Variants in FHAD1 observed in about 807,000 individuals in gnomAD.
FHAD1 encodes forkhead-associated domain-containing protein 1.
Under a neutral mutation model 191.3 loss-of-function variants are expected in FHAD1, and 146 were observed. The observed-to-expected ratio is 0.76, with a 90% CI of 0.67 to 0.88. The LOEUF is 0.88. FHAD1 is among the 40% of genes least tolerant of loss of function. The pLI is 0.00. For synonymous variants in FHAD1, 616 were observed against 672.3 expected (o/e 0.92, Z 1.29); for missense variants, 1,635 against 1,785.8 (o/e 0.92, Z 1.52).
intron 23 of FHAD1, among the ~76,000 whole-genome samples, chr1:15,365,441 A>C (rs1476533936): frequency 6.8e-6 from 1 of 146,534 alleles, no homozygotes. Flanking sequence ...CAGCCTCCCG[A>C]GTAGCTGGGA....
chr1:15,385,123 GA>G (rs1701813692), intron 31 of FHAD1, among the ~76,000 whole-genome samples: 1 of 133,652 alleles, frequency 7.5e-6, no homozygotes, highest in East Asian at 2.0e-4. Flanking sequence ...GAAAAAGGGG[GA>G]AAATCTTTTT....
intron 19 of FHAD1, among the ~76,000 whole-genome samples, chr1:15,349,988 C>T (rs1051226936): frequency 9.2e-5 from 14 of 152,198 alleles, no homozygotes; most frequent in Admixed American, 9.2e-4. Flanking sequence ...CAGGGACCCA[C>T]ATGGCATCTC....
chr1:15,301,144 A>T, intron 5 of FHAD1, 61 bp from the exon 6 acceptor site: 1 of 1,450,470 alleles, frequency 6.9e-7, no homozygotes, highest in South Asian at 1.3e-5. Context: ...CTTTTTTTTA[A>T]TGGGCTCAGC....
intron 33 of FHAD1, among the ~76,000 whole-genome samples, chr1:15,392,278 A>T (rs2103127604): frequency 6.6e-6 from 1 of 152,308 alleles, no homozygotes; most frequent in East Asian, 1.9e-4. Flanking sequence ...CACGCCTGTA[A>T]TCCCAGCACT....
chr1:15,387,806 G>C (rs1190973008), intron 31 of FHAD1, among the ~76,000 whole-genome samples: 1 of 152,166 alleles, frequency 6.6e-6, no homozygotes, highest in Non-Finnish European at 1.5e-5. Context: ...GACCGCTTGA[G>C]CCTGAGAGGT....
rs548508112 is a variant in FHAD1, at chr1:15,374,359, A to C, written c.3448-143A>C. On this transcript the variant is annotated intron_variant, in intron 26 of 33. Coordinates refer to ENST00000688493, the MANE Select transcript of FHAD1 (RefSeq NM_001391957.1). ...ATTTGAGATGAAAAATGTAAATTCT[A>C]TCTCTGCTGAAGCCCTAATGCTATT... The C allele has an allele frequency of 1.1e-4, 103 of 946,480 alleles. No homozygotes were observed. In the African/African-American group the frequency reaches 1.6e-3, roughly 15 times the overall value. 58.6% of individuals were successfully genotyped at this position (946,480 alleles called of 1,614,324 possible).
chr1:15,295,722 G>C (rs1369949895), intron 4 of FHAD1, among the ~76,000 whole-genome samples: 1 of 152,118 alleles, frequency 6.6e-6, no homozygotes, highest in African/African-American at 2.4e-5. Context: ...CACACATATG[G>C]GGGGCCAGCT....
intron 14 of FHAD1, among the ~76,000 whole-genome samples, chr1:15,333,989 C>T (rs1211785975): frequency 6.6e-6 from 1 of 151,788 alleles, no homozygotes; most frequent in East Asian, 1.9e-4. Flanking sequence ...TGTGCCACCA[C>T]GCCACCTAAT....
chr1:15,345,637 G>T, intron 18 of FHAD1, 114 bp downstream of exon 18: 1 of 858,644 alleles, frequency 1.2e-6, no homozygotes, highest in South Asian at 1.6e-5. Flanking sequence ...TCCTCGTGGA[G>T]TTTGCGTTTG....
chr1:15,263,807 C>G (rs974190849), intron 2 of FHAD1, among the ~76,000 whole-genome samples: 2 of 152,210 alleles, frequency 1.3e-5, no homozygotes, highest in African/African-American at 4.8e-5. Context: ...AGGCGTGAGC[C>G]ACTGTGCCCA....
rs931457722 is a variant in FHAD1, at chr1:15,285,077, CT to C, written c.301-4314del. Among the ~76,000 whole-genome samples the C allele has an allele frequency of 1.3e-4, 20 of 152,142 alleles. No homozygotes were observed. The East Asian group carries it at 3.5e-3, about 26-fold the overall frequency. ...AGCCAGGAGCCAGTTTTTCAGGAGT[CT>C]TTTTTTTATGTTTGTTTATCCTCCT... is the stretch of plus-strand genomic sequence containing the variant. On this transcript the variant is annotated intron_variant, in intron 3 of 33. Coordinates refer to ENST00000688493, the MANE Select transcript of FHAD1 (RefSeq NM_001391957.1).
chr1:15,264,518 T>C (rs886303037), intron 2 of FHAD1, among the ~76,000 whole-genome samples: 15 of 151,686 alleles, frequency 9.9e-5, no homozygotes, highest in African/African-American at 3.6e-4. Context: ...TTTTGTATCA[T>C]TTATTATGAA....
chr1:15,266,452 C>G (rs1653555417), intron 2 of FHAD1, among the ~76,000 whole-genome samples: 1 of 150,614 alleles, frequency 6.6e-6, no homozygotes, highest in Non-Finnish European at 1.5e-5. Flanking sequence ...GAAAGTTGAA[C>G]AGATAGTACA....
intron 28 of FHAD1, among the ~76,000 whole-genome samples, chr1:15,376,718 T>C (rs145138785): frequency 2.0e-5 from 3 of 152,302 alleles, no homozygotes; most frequent in Non-Finnish European, 2.9e-5. Context: ...AAAAACTTAA[T>C]AAATGATAGA....
intron 32 of FHAD1, 139 bp from the exon 33 acceptor site, chr1:15,391,071 G>A (rs879915537): frequency 1.7e-5 from 5 of 293,480 alleles, no homozygotes; most frequent in Non-Finnish European, 3.2e-5. Flanking sequence ...GATGCTACCT[G>A]TTTGGAATGC....
chr1:15,313,239 A>G (rs1481498482), intron 8 of FHAD1, 52 bp downstream of exon 8: 6 of 1,496,212 alleles, frequency 4.0e-6, no homozygotes, highest in Non-Finnish European at 5.4e-6. Flanking sequence ...AAAGCAGCTA[A>G]AGTGAAGTCA....
chr1:15,359,829 A>G (rs916675828), intron 21 of FHAD1, among the ~76,000 whole-genome samples: 4 of 152,220 alleles, frequency 2.6e-5, no homozygotes, highest in Non-Finnish European at 5.9e-5. Flanking sequence ...GGGCGCCTGT[A>G]GTCCCAGCTA....
At chr1:15,346,396 C>T (rs953525657) in intron 18 of FHAD1, among the ~76,000 whole-genome samples, 1 of 152,202 alleles carries the variant, frequency 6.6e-6, no homozygotes. Flanking sequence ...GACTAGAAGC[C>T]TTACCGGGTA....
At position 15,296,753 on chromosome 1, in the gene FHAD1, C is replaced by T. The variant is rs549231708; in HGVS notation, c.638C>T (p.Ala213Val). The stretch of plus-strand genomic sequence containing the variant: ...GGGATTCCTGGGGCAGTTCCCCCTG[C>T]GGAGATTTATGTGGAGGAGGACTTG... ...AEGIPGAVPP[A>V]EIYVEEDLAQ... is the part of the protein sequence containing the mutation. Residue 213 changes from alanine to valine, a missense_variant, in exon 5 of 34, where the codon GCG (alanine) becomes GTG (valine). Coordinates refer to ENST00000688493, the MANE Select transcript of FHAD1 (RefSeq NM_001391957.1). The T allele has an allele frequency of 4.2e-5, 65 of 1,551,748 alleles. 2 individuals carry two copies. Among genetic ancestry groups the T allele is most frequent in the South Asian group, 1.8e-4 (15 of 84,058 alleles).
Sources: gnomAD v4.1 joint callset for allele counts (sites outside exome capture counted in the v4.1 genomes callset) on GRCh38, gnomAD v4.1.1 for gene constraint, MANE v1.5 for transcripts, NCBI Gene and HGNC (gene_info 2026-07-23, HGNC 2026-07-21) for gene names.